The following STYX variants were observed in gnomAD, a reference collection of about 807,000 sequenced individuals.
The protein encoded by STYX is serine/threonine/tyrosine interacting protein, also known as serine/threonine/tyrosine-interacting protein.
Under a neutral mutation model 42.7 loss-of-function variants are expected in STYX, and 20 were observed. That is an observed-to-expected ratio of 0.47 (90% confidence interval 0.33 to 0.68). The LOEUF (loss-of-function observed/expected upper bound fraction) is 0.68, where lower values mean the gene tolerates loss of function less well. STYX is among the 30% of genes least tolerant of loss of function. The pLI is 0.02. For missense variants in STYX, 226 were observed against 268.5 expected, an observed-to-expected ratio of 0.84 and a Z score of 1.11; for synonymous variants, 78 against 81.9, an observed-to-expected ratio of 0.95 and a Z score of 0.26.
In STYX at chr14:52,759,604, T is replaced by C. The variant is rs1308399917; in HGVS notation, c.432-78T>C. 9 of 952,418 alleles carry C rather than the reference T, an allele frequency of 9.4e-6. No homozygotes were observed. The African/African-American group carries it at 1.3e-4, about 14-fold the overall frequency. 59.0% of individuals were successfully genotyped at this position (952,418 alleles called of 1,614,324 possible). A position where few individuals can be genotyped will look rare whatever the true frequency, so the allele number is the denominator to read the frequency against. ...TTTTTCCATTACAACTCATTACCCC[T>C]CTCTATTGCTAAGTTGTATGATTAT... On this transcript the variant is annotated intron_variant, in intron 8 of 10. Transcript: ENST00000354586.
chr14:52,753,566 A>G (rs565318667), intron 4 of STYX, among the ~76,000 whole-genome samples: 2 of 152,282 alleles, frequency 1.3e-5, no homozygotes, highest in East Asian at 3.9e-4. Context: ...AAATCCTCAG[A>G]TGCTCAAGTC....
At chr14:52,760,213 A>G (rs1477618296) in intron 9 of STYX, among the ~76,000 whole-genome samples, 5 of 151,698 alleles carry the variant, frequency 3.3e-5, no homozygotes, top group African/African-American at 1.2e-4. Context: ...AAAAAATTAA[A>G]AAAACTTTTT....
intron 4 of STYX, among the ~76,000 whole-genome samples, chr14:52,755,754 A>G (rs1201512408): frequency 5.6e-5 from 8 of 144,018 alleles, no homozygotes; most frequent in Admixed American, 4.3e-4. Flanking sequence ...TCCTGGTTCC[A>G]TAGACCATAC....
chr14:52,753,047 A>ATTT (rs959737468), intron 4 of STYX, among the ~76,000 whole-genome samples: 25 of 88,648 alleles, frequency 2.8e-4, no homozygotes, highest in East Asian at 9.2e-4. Flanking sequence ...CACCCAGCTA[A>ATTT]TTTTTTTTTT....
At chr14:52,730,814 T>G (rs1467614394) in intron 1 of STYX, among the ~76,000 whole-genome samples, 1 of 152,182 alleles carries the variant, frequency 6.6e-6, no homozygotes, top group Non-Finnish European at 1.5e-5. Flanking sequence ...TGGAGTAAGG[T>G]TCCTCTTTTA....
At chr14:52,770,965 T>G in intron 10 of STYX, 68 bp from the exon 11 acceptor site, 4 of 1,469,716 alleles carry the variant, frequency 2.7e-6, no homozygotes, top group Non-Finnish European at 3.8e-6. Context: ...AACAAAATTT[T>G]ACTTGCTGTA....
intron 1 of STYX, 71 bp downstream of exon 1, chr14:52,730,602 C>G (rs1880657863): frequency 6.4e-7 from 1 of 1,551,284 alleles, no homozygotes; most frequent in East Asian, 2.3e-5. Context: ...ACCCCAGTCC[C>G]CAACCGTCTT....
chr14:52,754,228 T>C (rs1881758483), intron 4 of STYX, among the ~76,000 whole-genome samples: 1 of 152,016 alleles, frequency 6.6e-6, no homozygotes, highest in African/African-American at 2.4e-5. Context: ...TTTTTTTTTT[T>C]CAAAGATAGG....
At position 52,730,277 on chromosome 14, in the gene STYX, C is replaced by A; in HGVS notation, c.-198C>A. 3.3e-6 allele frequency: 2 copies of A among 604,784 alleles called. No individual in the cohort carries two copies. Among genetic ancestry groups the A allele is most frequent in the South Asian group, 1.9e-5 (1 of 52,164 alleles). The allele number at this position is 604,784 out of a possible 1,614,324, so 37.5% of individuals were successfully genotyped here. A position where few individuals can be genotyped will look rare whatever the true frequency, so the allele number is the denominator to read the frequency against. ...GCCGGGTGTAAGACGCCCGACCCTC[C>A]TCTTCCCTGTCTTCGCCGCCGCCGC... On this transcript the variant is annotated 5_prime_UTR_variant, in exon 1 of 11. Transcript: ENST00000354586.
chr14:52,753,825 GT>G (rs937275709), intron 4 of STYX, among the ~76,000 whole-genome samples: 44 of 112,640 alleles, frequency 3.9e-4, no homozygotes, highest in Middle Eastern at 5.2e-3. Flanking sequence ...CTTTTGTAGT[GT>G]TTTTTTTTTA....
chr14:52,757,452 C>T, intron 6 of STYX, 97 bp downstream of exon 6: 1 of 1,154,972 alleles, frequency 8.7e-7, no homozygotes, highest in Non-Finnish European at 1.3e-6. Flanking sequence ...ATGGAAGTTA[C>T]AATTATATGT....
chr14:52,742,057 G>A (rs1047726442), intron 1 of STYX, among the ~76,000 whole-genome samples: 1 of 152,064 alleles, frequency 6.6e-6, no homozygotes, highest in Admixed American at 6.6e-5. Flanking sequence ...GGAATCCAGG[G>A]ATGCAATCTA....
At position 52,757,896 on chromosome 14, in the gene STYX, A is replaced by G; in HGVS notation, c.403A>G (p.Ile135Val). 6.2e-7 allele frequency: 1 copy of G among 1,612,368 alleles called. No homozygotes were observed. ...CAGTGCAGCCTTTGTTATTGCATAC[A>G]TTATGGAAACATTTGGAATGAAGTA... ...SRSAAFVIAY[I>V]METFGMKYRD... is the part of the protein sequence containing the mutation. The change falls in exon 8 of 11, where the codon ATT becomes GTT. Residue 135 changes from isoleucine to valine, a missense_variant. Transcript: ENST00000354586.
chr14:52,742,361 A>G (rs1461740741), intron 1 of STYX, among the ~76,000 whole-genome samples: 1 of 152,126 alleles, frequency 6.6e-6, no homozygotes, highest in Non-Finnish European at 1.5e-5. Context: ...ACTTTGTCTT[A>G]TGTTTACAAG....
chr14:52,771,049 A>C lies in STYX; in HGVS notation c.615A>C (p.Thr205=), dbSNP rs1299537551. 6.2e-7 allele frequency: 1 copy of C among 1,613,010 alleles called. No individual in the cohort carries two copies. Among genetic ancestry groups the C allele is most frequent in the African/African-American group, 1.3e-5 (1 of 75,014 alleles). The change falls in exon 11 of 11, where the codon ACA becomes ACC. Residue 205 remains threonine, a synonymous_variant. Coordinates refer to ENST00000354586, the MANE Select transcript of STYX (RefSeq NM_145251.4). ...HSGTTGSLKR[T]HEEEDDFGTM... The stretch of plus-strand genomic sequence containing the variant: ...AACTTTTAGGCAGTTTGAAGAGAAC[A>C]CATGAAGAAGAGGATGATTTTGGAA...
chr14:52,735,499 C>T (rs887243867), intron 1 of STYX, among the ~76,000 whole-genome samples: 1 of 152,084 alleles, frequency 6.6e-6, no homozygotes, highest in Non-Finnish European at 1.5e-5. Context: ...AGGGTACTTT[C>T]TGGGCTGATA....
chr14:52,742,431 A>G (rs1347060193), intron 1 of STYX, among the ~76,000 whole-genome samples: 1 of 152,126 alleles, frequency 6.6e-6, no homozygotes, highest in Admixed American at 6.6e-5. Flanking sequence ...AGTCCCATAC[A>G]TTGCTGGTGG....
At chr14:52,743,398 G>A (rs1351802292) in intron 1 of STYX, among the ~76,000 whole-genome samples, 1 of 151,858 alleles carries the variant, frequency 6.6e-6, no homozygotes, top group Admixed American at 6.6e-5. Flanking sequence ...TGGCTAACAC[G>A]GTGAAACCCC....
At position 52,772,774 on chromosome 14, in the gene STYX, A is replaced by G. The variant is rs1454060944; in HGVS notation, c.*1668A>G. ...GTTAATTAAGAGTTAATTCCTATTG[A>G]CCCAGGTGATATTTCTCTTCTGATT... On this transcript the variant is annotated 3_prime_UTR_variant, in exon 11 of 11. Coordinates refer to ENST00000354586, the MANE Select transcript of STYX (RefSeq NM_145251.4). The G allele has an allele frequency of 1.3e-5, 2 of 152,174 alleles. No individual in the cohort carries two copies. Among genetic ancestry groups the G allele is most frequent in the African/African-American group, 4.8e-5 (2 of 41,358 alleles). 9.4% of individuals were successfully genotyped at this position (152,174 alleles called of 1,614,324 possible).
Sources: allele counts gnomAD v4.1 joint callset (sites outside exome capture counted in the v4.1 genomes callset), GRCh38; gene constraint gnomAD v4.1.1; transcripts MANE v1.5; gene names NCBI Gene and HGNC (gene_info 2026-07-23, HGNC 2026-07-21).